The following LRP1B variants were observed in gnomAD, a reference collection of about 807,000 sequenced individuals.
LRP1B encodes the protein LDL receptor related protein 1B.
Under a neutral mutation model 556.6 loss-of-function variants are expected in LRP1B, and 217 were observed. The ratio of observed to expected loss-of-function variants is 0.39; its 90% CI spans 0.35 to 0.44. The LOEUF is 0.44. Among genes scored for constraint, LRP1B ranks in the 20% least tolerant of loss-of-function variants. LRP1B has a pLI of 1.00. For synonymous variants in LRP1B, 2,047 were observed against 1,865.8 expected (o/e 1.10, Z -2.50); for missense variants, 5,053 against 5,620.8 (o/e 0.90, Z 3.23).
At chr2:142,111,709 T>G (rs886661587) in intron 1 of LRP1B, among the ~76,000 whole-genome samples, 4 of 152,088 alleles carry the variant, frequency 2.6e-5, no homozygotes, top group African/African-American at 7.2e-5. Context: ...TGAATAGCAT[T>G]GCTGTTCTGT....
rs1182109218 is a variant in LRP1B at position 140,442,709 on chromosome 2, C to G, written c.10295-86G>C. 7 of 1,335,098 alleles carry G rather than the reference C, an allele frequency of 5.2e-6. No homozygotes were observed. In the East Asian group the frequency reaches 1.2e-4, roughly 22 times the overall value. 82.7% of individuals were successfully genotyped at this position (1,335,098 alleles called of 1,614,324 possible). On this transcript the variant is annotated intron_variant, in intron 65 of 90. Transcript: ENST00000389484. ...AAATTTTACAGACAAATGTTTAAGA[C>G]AGTTTATCGAAAAATGTATTGTCTT...
At chr2:140,982,063 C>T (rs1277082133) in intron 18 of LRP1B, 97 bp downstream of exon 18, 4 of 941,198 alleles carry the variant, frequency 4.2e-6, no homozygotes, top group African/African-American at 3.3e-5. Flanking sequence ...TTTACCTGTA[C>T]TCATAAAGAA....
Position 141,623,364 on chromosome 2 carries a change from T to C in LRP1B, c.206-142831A>G, listed in dbSNP as rs145037075. On this transcript the variant is annotated intron_variant, in intron 2 of 90. Transcript: ENST00000389484. ...GCAACTATTTGTGGACAATGGTATATAATGTTCCACACCCTAAGGATTCCT... is the reference window on the plus strand; with the variant it reads ...GCAACTATTTGTGGACAATGGTATACAATGTTCCACACCCTAAGGATTCCT... 3.4e-3 allele frequency among the ~76,000 whole-genome samples: 525 copies of C among 152,304 alleles called. 2 individuals are homozygous for C. Among genetic ancestry groups the C allele is most frequent in the African/African-American group, 0.012 (496 of 41,584 alleles).
At chr2:140,756,055 T>C (rs1688732510) in intron 35 of LRP1B, among the ~76,000 whole-genome samples, 1 of 151,964 alleles carries the variant, frequency 6.6e-6, no homozygotes, top group African/African-American at 2.4e-5. Context: ...TTCAACACAT[T>C]TATAATGAAC....
intron 2 of LRP1B, among the ~76,000 whole-genome samples, chr2:141,746,382 G>C (rs1693915932): frequency 6.6e-6 from 1 of 152,078 alleles, no homozygotes; most frequent in African/African-American, 2.4e-5. Flanking sequence ...TGTGTGGATG[G>C]GTGCTGGCTG....
At chr2:141,388,599 A>G (rs1689929267) in intron 3 of LRP1B, among the ~76,000 whole-genome samples, 3 of 152,186 alleles carry the variant, frequency 2.0e-5, no homozygotes, top group Admixed American at 2.0e-4. Context: ...AGATCAGGAT[A>G]AAACAACAAT....
At chr2:141,010,674 CT>C (rs1280115104) in intron 14 of LRP1B, among the ~76,000 whole-genome samples, 2 of 152,034 alleles carry the variant, frequency 1.3e-5, no homozygotes, top group Admixed American at 6.6e-5. Context: ...GCCACCACCC[CT>C]GGCTAATTTT....
At chr2:140,652,078 A>G (rs746962194) in intron 41 of LRP1B, among the ~76,000 whole-genome samples, 8 of 152,164 alleles carry the variant, frequency 5.3e-5, no homozygotes, top group Non-Finnish European at 1.0e-4. Flanking sequence ...AGTAGCAGAA[A>G]GTCAAAAGGA....
intron 1 of LRP1B, among the ~76,000 whole-genome samples, chr2:142,105,261 A>C (rs10181071): frequency 1.3e-5 from 2 of 152,092 alleles, no homozygotes; most frequent in Non-Finnish European, 2.9e-5. Context: ...AGTTTTAGAC[A>C]GATCTCTTTG....
chr2:142,125,254 G>C (rs866097236), intron 1 of LRP1B, among the ~76,000 whole-genome samples: 16 of 151,904 alleles, frequency 1.1e-4, no homozygotes, highest in Middle Eastern at 6.8e-3. Flanking sequence ...TATACATTTG[G>C]AAGATGTAAG....
chr2:141,648,985 C>T (rs911436670), intron 2 of LRP1B, among the ~76,000 whole-genome samples: 3 of 152,122 alleles, frequency 2.0e-5, no homozygotes, highest in Admixed American at 1.3e-4. Flanking sequence ...GAAATCTGAC[C>T]ACTATGAAGC....
At chr2:141,427,800 C>A (rs2104977628) in intron 3 of LRP1B, among the ~76,000 whole-genome samples, 1 of 151,950 alleles carries the variant, frequency 6.6e-6, no homozygotes, top group East Asian at 1.9e-4. Flanking sequence ...ATAAGAGAAA[C>A]ACTTACTGCT....
At chr2:140,253,407 A>C (rs1681541015) in intron 86 of LRP1B, among the ~76,000 whole-genome samples, 1 of 152,110 alleles carries the variant, frequency 6.6e-6, no homozygotes, top group African/African-American at 2.4e-5. Flanking sequence ...GAAAGAAATA[A>C]AATTAATAAA....
intron 3 of LRP1B, among the ~76,000 whole-genome samples, chr2:141,261,313 G>A (rs577943550): frequency 2.6e-5 from 4 of 152,132 alleles, no homozygotes; most frequent in South Asian, 2.1e-4. Context: ...ATAGAGCAGC[G>A]AGGCAATGCT....
chr2:141,282,564 T>A (rs757343265), intron 3 of LRP1B, among the ~76,000 whole-genome samples: 13 of 151,624 alleles, frequency 8.6e-5, no homozygotes, highest in Non-Finnish European at 1.9e-4. Flanking sequence ...TACAGGTATA[T>A]AATAGGTTAG....
At chr2:141,897,053 A>C (rs1203522672) in intron 1 of LRP1B, among the ~76,000 whole-genome samples, 1 of 152,150 alleles carries the variant, frequency 6.6e-6, no homozygotes, top group Non-Finnish European at 1.5e-5. Flanking sequence ...CATAAATTAC[A>C]TGTTCATAGG....
At chr2:140,506,947 T>C (rs1332810645) in intron 52 of LRP1B, 29 bp from the exon 53 acceptor site, 1 of 1,610,632 alleles carries the variant, frequency 6.2e-7, no homozygotes, top group Non-Finnish European at 8.5e-7. Context: ...AAAATAAAGT[T>C]AGATGAGCAC....
intron 20 of LRP1B, among the ~76,000 whole-genome samples, chr2:140,947,225 T>A (rs182743462): frequency 1.3e-5 from 2 of 152,294 alleles, no homozygotes; most frequent in African/African-American, 4.8e-5. Flanking sequence ...AGAATACATA[T>A]TGAACTTAAA....
intron 6 of LRP1B, among the ~76,000 whole-genome samples, chr2:141,218,323 A>G (rs1410420521): frequency 6.6e-6 from 1 of 152,220 alleles, no homozygotes; most frequent in Non-Finnish European, 1.5e-5. Flanking sequence ...CACCAAAAAG[A>G]CACATGCATG....
Sources: gnomAD v4.1 joint callset for allele counts (sites outside exome capture counted in the v4.1 genomes callset) on GRCh38, gnomAD v4.1.1 for gene constraint, MANE v1.5 for transcripts, NCBI Gene and HGNC (gene_info 2026-07-23, HGNC 2026-07-21) for gene names.